Variants in WNT7A observed in about 807,000 individuals in gnomAD.
WNT7A encodes Wnt family member 7A.
Under a neutral mutation model 28.2 loss-of-function variants are expected in WNT7A, and 16 were observed. That is an observed-to-expected ratio of 0.57 (90% confidence interval 0.38 to 0.86). The LOEUF is 0.86. Among genes scored for constraint, WNT7A ranks in the 40% least tolerant of loss-of-function variants. The pLI, the probability that WNT7A is intolerant of heterozygous loss-of-function variation, is 0.00. For synonymous variants in WNT7A, 190 were observed against 195.9 expected, an observed-to-expected ratio of 0.97 and a Z score of 0.25; for missense variants, 411 against 489.7, an observed-to-expected ratio of 0.84 and a Z score of 1.52.
chr3:13,834,058 AG>A (rs1426788582), intron 3 of WNT7A, among the ~76,000 whole-genome samples: 5 of 152,208 alleles, frequency 3.3e-5, no homozygotes, highest in Non-Finnish European at 5.9e-5. Flanking sequence ...CCTGAAGGAA[AG>A]CGCAAACTTG....
At chr3:13,831,070 G>A (rs1392299053) in intron 3 of WNT7A, among the ~76,000 whole-genome samples, 4 of 152,168 alleles carry the variant, frequency 2.6e-5, no homozygotes, top group Non-Finnish European at 5.9e-5. Context: ...ATTGTTCAAG[G>A]CTCTGCAGGA....
chr3:13,878,485 C>A (rs1017597255), intron 1 of WNT7A, among the ~76,000 whole-genome samples: 1 of 152,146 alleles, frequency 6.6e-6, no homozygotes, highest in Non-Finnish European at 1.5e-5. Flanking sequence ...GGCAGGCTGG[C>A]GGTACTGGCG....
intron 3 of WNT7A, among the ~76,000 whole-genome samples, chr3:13,840,522 G>C (rs986162107): frequency 2.6e-5 from 4 of 152,130 alleles, no homozygotes; most frequent in African/African-American, 9.7e-5. Context: ...CTGGGAAAAT[G>C]TCCAACTTTC....
Position 13,818,775 on chromosome 3 carries a change from C to G in WNT7A, c.*169G>C. 9.6e-7 allele frequency: 1 copy of G among 1,043,612 alleles called. No individual in the cohort carries two copies. Among genetic ancestry groups the G allele is most frequent in the South Asian group, 1.8e-5 (1 of 57,004 alleles). The allele number at this position is 1,043,612 out of a possible 1,614,324, so 64.6% of individuals were successfully genotyped here. On this transcript the variant is annotated 3_prime_UTR_variant, in exon 4 of 4. Transcript: ENST00000285018. ...GGGTGTGGAACAGAATAGTTGAGGG[C>G]TCTGAGAGATTTTTTTTCCCCCACG... is the stretch of plus-strand genomic sequence containing the variant.
At chr3:13,832,795 C>A (rs531162503) in intron 3 of WNT7A, among the ~76,000 whole-genome samples, 2 of 152,076 alleles carry the variant, frequency 1.3e-5, no homozygotes, top group East Asian at 1.9e-4. Context: ...TAGGACAGGG[C>A]CCCTGGAATG....
intron 3 of WNT7A, among the ~76,000 whole-genome samples, chr3:13,833,074 AC>A (rs1041395567): frequency 1.3e-5 from 2 of 150,774 alleles, no homozygotes; most frequent in South Asian, 2.1e-4. Context: ...CTAGGCTCCT[AC>A]CCCCCCAGTA....
At chr3:13,829,528 G>C (rs577889098) in intron 3 of WNT7A, among the ~76,000 whole-genome samples, 1 of 152,350 alleles carries the variant, frequency 6.6e-6, no homozygotes, top group African/African-American at 2.4e-5. Context: ...CACAGGGCTA[G>C]AAGGGCAGGG....
intron 3 of WNT7A, among the ~76,000 whole-genome samples, chr3:13,844,315 G>A (rs931269097): frequency 2.6e-5 from 4 of 152,212 alleles, no homozygotes; most frequent in Middle Eastern, 3.2e-3. Context: ...TTTACAAAGA[G>A]CACTTGGGAT....
intron 1 of WNT7A, among the ~76,000 whole-genome samples, chr3:13,879,503 T>C (rs1695173287): frequency 6.6e-6 from 1 of 152,034 alleles, no homozygotes; most frequent in Admixed American, 6.5e-5. Context: ...CCCTACCGGC[T>C]GTCTCTGGTC....
At chr3:13,879,117 A>C (rs938478576) in intron 1 of WNT7A, among the ~76,000 whole-genome samples, 1 of 152,142 alleles carries the variant, frequency 6.6e-6, no homozygotes, top group Non-Finnish European at 1.5e-5. Context: ...TGGGGGTGGG[A>C]CGTGCTGTCC....
At chr3:13,878,797 C>T (rs1695155090) in intron 1 of WNT7A, among the ~76,000 whole-genome samples, 1 of 152,136 alleles carries the variant, frequency 6.6e-6, no homozygotes, top group Non-Finnish European at 1.5e-5. Context: ...GCGCCAGAAC[C>T]TCTATCCATG....
rs141282444 is a variant in WNT7A at position 13,851,463 on chromosome 3, C to T, written c.570+3069G>A. Among the ~76,000 whole-genome samples the T allele has an allele frequency of 7.7e-3, 1,170 of 152,346 alleles. 17 individuals carry two copies. The highest frequency in any genetic ancestry group is 0.026 in the African/African-American group (1,071 of 41,580). On this transcript the variant is annotated intron_variant, in intron 3 of 3. Coordinates refer to ENST00000285018, the MANE Select transcript of WNT7A (RefSeq NM_004625.4). ...GCCTCGTCCACCTGGACTCCTTATCCTTCAAAGCCCTGCTAAGAGTTCCCT... is the reference window on the plus strand; with the variant it reads ...GCCTCGTCCACCTGGACTCCTTATCTTTCAAAGCCCTGCTAAGAGTTCCCT...
chr3:13,857,076 C>G (rs1694758451), intron 2 of WNT7A, among the ~76,000 whole-genome samples: 1 of 152,084 alleles, frequency 6.6e-6, no homozygotes, highest in Non-Finnish European at 1.5e-5. Context: ...GACAGGGGAG[C>G]CATGGGGCAC....
chr3:13,820,210 C>T (rs34950685), intron 3 of WNT7A, among the ~76,000 whole-genome samples: 11,014 of 152,178 alleles, frequency 0.072, 800 homozygotes, highest in African/African-American at 0.19. Flanking sequence ...TGCTGGTTCA[C>T]CATGTGTGAG....
chr3:13,844,193 C>T (rs554224630), intron 3 of WNT7A, among the ~76,000 whole-genome samples: 1 of 152,310 alleles, frequency 6.6e-6, no homozygotes, highest in Admixed American at 6.5e-5. Context: ...GGAACCCTGG[C>T]TCAGATGCTT....
At chr3:13,828,071 A>T (rs1329233708) in intron 3 of WNT7A, among the ~76,000 whole-genome samples, 1 of 152,294 alleles carries the variant, frequency 6.6e-6, no homozygotes, top group Admixed American at 6.5e-5. Context: ...AGAGTCCTCA[A>T]TGAGGCCTTT....
rs13070669 is a variant in WNT7A, at chr3:13,856,954, A to G, written c.299-2151T>C. On this transcript the variant is annotated intron_variant, in intron 2 of 3. Transcript: ENST00000285018. ...GAAGAAGAAGAAGAAGAAGAAGAAGAAGAAGAAGAAGAAGGAGAAGAAGAA... is the reference window on the plus strand; with the variant it reads ...GAAGAAGAAGAAGAAGAAGAAGAAGGAGAAGAAGAAGAAGGAGAAGAAGAA... Among the ~76,000 whole-genome samples the G allele has an allele frequency of 3.7e-3, 442 of 118,250 alleles. 12 individuals are homozygous for G. Among genetic ancestry groups the G allele is most frequent in the South Asian group, 0.023 (82 of 3,578 alleles). 77.6% of individuals were successfully genotyped at this position (118,250 alleles called of 152,430 possible).
chr3:13,869,164 G>A (rs1471002794), intron 2 of WNT7A, among the ~76,000 whole-genome samples: 4 of 138,512 alleles, frequency 2.9e-5, no homozygotes, highest in Non-Finnish European at 4.7e-5. Flanking sequence ...AAGGAAGGAC[G>A]GAAAAGAGAG....
At chr3:13,876,867 A>C (rs1695118541) in intron 1 of WNT7A, 1 of 152,060 alleles carries the variant, frequency 6.6e-6, no homozygotes. Context: ...CCCTACCCCT[A>C]ATAAATTCCC....
Sources: allele counts gnomAD v4.1 joint callset (sites outside exome capture counted in the v4.1 genomes callset), GRCh38; gene constraint gnomAD v4.1.1; transcripts MANE v1.5; gene names NCBI Gene and HGNC (gene_info 2026-07-23, HGNC 2026-07-21).